ACTN2: variants seen among roughly 807,000 people sequenced by gnomAD.
ACTN2 encodes the protein alpha-actinin-2.
ACTN2 carries 39 observed loss-of-function variants against 113.8 expected under a neutral mutation model. The ratio of observed to expected loss-of-function variants is 0.34; its 90% CI spans 0.27 to 0.45. The LOEUF is 0.45. Ranked by LOEUF, ACTN2 falls within the 20% of genes least tolerant of loss-of-function variation. ACTN2 has a pLI of 1.00. For missense variants in ACTN2, 992 were observed against 1,177.9 expected (o/e 0.84, Z 2.31); for synonymous variants, 429 against 444.1 (o/e 0.97, Z 0.43).
At chr1:236,732,737 C>T (rs1232539527) in intron 7 of ACTN2, among the ~76,000 whole-genome samples, 1 of 152,172 alleles carries the variant, frequency 6.6e-6, no homozygotes, top group African/African-American at 2.4e-5. Context: ...GCCACTGTGC[C>T]TGGCCTGTGA....
chr1:236,712,526 A>G (rs553550845), intron 1 of ACTN2, among the ~76,000 whole-genome samples: 1 of 152,198 alleles, frequency 6.6e-6, no homozygotes, highest in African/African-American at 2.4e-5. Context: ...CATTGTATAT[A>G]TATCTATAAA....
At chr1:236,728,386 G>T (rs573001819) in intron 6 of ACTN2, among the ~76,000 whole-genome samples, 2 of 151,970 alleles carry the variant, frequency 1.3e-5, no homozygotes, top group East Asian at 1.9e-4. Context: ...CTCGTGATCC[G>T]CCCGCCTCAG....
Position 236,762,712 on chromosome 1 carries a change from T to C in ACTN2, c.*93T>C, listed in dbSNP as rs897814687. Reference sequence around the variant, plus strand: ...GGAAACTTTGACAAGCTTTATTAAGTTGAGAGAGAGAGAGGGGAAAAAAAA... The same window carrying C: ...GGAAACTTTGACAAGCTTTATTAAGCTGAGAGAGAGAGAGGGGAAAAAAAA... On this transcript the variant is annotated 3_prime_UTR_variant, in exon 21 of 21. Coordinates refer to ENST00000366578, the MANE Select transcript of ACTN2 (RefSeq NM_001103.4). 1 of 1,482,948 alleles carries C rather than the reference T, an allele frequency of 6.7e-7. No homozygotes were observed. The allele number at this position is 1,482,948 out of a possible 1,614,324, so 91.9% of individuals were successfully genotyped here.
At position 236,757,628 on chromosome 1, in the gene ACTN2, A is replaced by T; in HGVS notation, c.2297A>T (p.Asp766Val). ...NEFRASFNHF[D>V]RRKNGLMDHE... ...TTCAGAGCCTCCTTCAACCACTTTG[A>T]CAGGGTACCACTCTCTACTTATTTG... The change falls in exon 18 of 21, where the codon GAC becomes GTC. Residue 766 changes from aspartate (D) to valine (V), a missense_variant. Around this residue, in one of 3 missense-constraint regions of ACTN2, gnomAD observed 736 missense variants for 815.4 expected, o/e 0.90. Coordinates refer to ENST00000366578, the MANE Select transcript of ACTN2 (RefSeq NM_001103.4). 6.2e-7 allele frequency: 1 copy of T among 1,614,174 alleles called. No homozygotes were observed. Among genetic ancestry groups the T allele is most frequent in the Non-Finnish European group, 8.5e-7 (1 of 1,180,034 alleles).
intron 4 of ACTN2, among the ~76,000 whole-genome samples, chr1:236,722,293 T>G (rs1234454116): frequency 6.6e-6 from 1 of 152,138 alleles, no homozygotes; most frequent in African/African-American, 2.4e-5. Flanking sequence ...AACAATTCTT[T>G]GAGGAGTGAG....
At chr1:236,750,927 A>G (rs1480498882) in intron 14 of ACTN2, among the ~76,000 whole-genome samples, 1 of 151,588 alleles carries the variant, frequency 6.6e-6, no homozygotes, top group Admixed American at 6.6e-5. Flanking sequence ...TGTCTCTGCA[A>G]AAGATAAAAA....
chr1:236,709,255 T>TATATATACACACAC (rs796606511), intron 1 of ACTN2, among the ~76,000 whole-genome samples: 32 of 68,900 alleles, frequency 4.6e-4, no homozygotes, highest in East Asian at 1.1e-3. Flanking sequence ...TATATATATA[T>TATATATACACACAC]ACACACACAC....
chr1:236,717,668 G>A (rs1240282021), intron 1 of ACTN2, among the ~76,000 whole-genome samples, 190 bp from the exon 2 acceptor site: 6 of 152,114 alleles, frequency 3.9e-5, no homozygotes, highest in African/African-American at 1.4e-4. Context: ...TCTCTAAAGT[G>A]GAAAATTTAC....
intron 1 of ACTN2, among the ~76,000 whole-genome samples, chr1:236,693,173 A>G (rs1657328852): frequency 2.8e-5 from 2 of 72,108 alleles, no homozygotes; most frequent in South Asian, 1.1e-3. Flanking sequence ...ACATCTGCAC[A>G]CATGCACACA....
At position 236,717,978 on chromosome 1, in the gene ACTN2, T is replaced by A; in HGVS notation, c.241+6T>A. On this transcript the variant is annotated splice_donor_region_variant and intron_variant, in intron 2 of 20. Transcript: ENST00000366578. ...GCTTTTGGAAGTCATCTCAGGTTGG[T>A]GTTATATATCCCATCCTATGCTTTC... The A allele has an allele frequency of 6.2e-7, 1 of 1,600,750 alleles. No individual in the cohort carries two copies. Among genetic ancestry groups the A allele is most frequent in the Non-Finnish European group, 8.6e-7 (1 of 1,168,324 alleles).
In ACTN2 at chr1:236,764,456, G is replaced by C. The variant is rs2102956074; in HGVS notation, c.*1837G>C. On this transcript the variant is annotated 3_prime_UTR_variant, in exon 21 of 21. Transcript: ENST00000366578. Reference sequence around the variant, plus strand: ...TTAATTTCTTTACAACATTCAGCAAGAGAGGGGGTCAGTAGTCTCTATCTG... The same window carrying C: ...TTAATTTCTTTACAACATTCAGCAACAGAGGGGGTCAGTAGTCTCTATCTG... 6.6e-6 allele frequency: 1 copy of C among 152,302 alleles called. No homozygotes were observed. The highest frequency in any genetic ancestry group is 2.4e-5 in the African/African-American group (1 of 41,578). The allele number at this position is 152,302 out of a possible 1,614,324, so 9.4% of individuals were successfully genotyped here.
chr1:236,707,709 C>CTTTTTTTTTTTTTTTTT (rs5781919), intron 1 of ACTN2, among the ~76,000 whole-genome samples: 12 of 78,752 alleles, frequency 1.5e-4, no homozygotes, highest in South Asian at 5.4e-4. Context: ...TCTTTTTTTT[C>CTTTTTTTTTTTTTTTTT]TTTTTTTTTT....
chr1:236,743,931 A>C (rs993557678), intron 11 of ACTN2, among the ~76,000 whole-genome samples: 10 of 152,214 alleles, frequency 6.6e-5, no homozygotes, highest in African/African-American at 2.4e-4. Context: ...AAGCATTTAG[A>C]GTAGCGTCTA....
chr1:236,736,542 A>G (rs1459071951), intron 8 of ACTN2: 3 of 1,462,654 alleles, frequency 2.1e-6, no homozygotes, highest in East Asian at 4.9e-5. Flanking sequence ...TATTACCTCA[A>G]TGACTTCTCA....
intron 1 of ACTN2, among the ~76,000 whole-genome samples, chr1:236,713,161 C>G (rs1329852252): frequency 6.6e-6 from 1 of 151,590 alleles, no homozygotes; most frequent in Non-Finnish European, 1.5e-5. Context: ...TACTATACAG[C>G]CATAAAAACA....
At chr1:236,695,937 A>G (rs1462339368) in intron 1 of ACTN2, among the ~76,000 whole-genome samples, 3 of 152,218 alleles carry the variant, frequency 2.0e-5, no homozygotes, top group Non-Finnish European at 4.4e-5. Context: ...CTTTTCATAA[A>G]AAGCCATGCT....
In ACTN2 at chr1:236,737,297, G is replaced by A. The variant is rs1343035274; in HGVS notation, c.876+83G>A. The A allele has an allele frequency of 1.6e-4, 50 of 322,146 alleles. 4 individuals carry two copies. Among genetic ancestry groups the A allele is most frequent in the Non-Finnish European group, 2.8e-4 (44 of 158,044 alleles). The allele number at this position is 322,146 out of a possible 1,614,324, so 20.0% of individuals were successfully genotyped here. On this transcript the variant is annotated intron_variant, in intron 9 of 20. Transcript: ENST00000366578. ...GAGGGTGAAAAAATACTCCGTGGGG[G>A]CATATATATATATATATATATTTTG...
Position 236,745,016 on chromosome 1 carries a change from C to A in ACTN2, c.1406+240C>A, listed in dbSNP as rs149541330. ...GCCCTCAGCACAGGCAGCTCCGCTT[C>A]CAGCAAGATGAGAAATAAGTCTGGA... On this transcript the variant is annotated intron_variant, in intron 12 of 20. Coordinates refer to ENST00000366578, the MANE Select transcript of ACTN2 (RefSeq NM_001103.4). Among the ~76,000 whole-genome samples, 42 of 152,292 alleles carry A rather than the reference C, an allele frequency of 2.8e-4. No individual in the cohort carries two copies. The East Asian group carries it at 7.0e-3, about 25-fold the overall frequency.
At chr1:236,751,427 A>T in intron 14 of ACTN2, 43 bp from the exon 15 acceptor site, 1 of 1,610,194 alleles carries the variant, frequency 6.2e-7, no homozygotes, top group Non-Finnish European at 8.5e-7. Flanking sequence ...TGAAATTAAC[A>T]CTCAAGCCAC....
Sources: allele counts gnomAD v4.1 joint callset (sites outside exome capture counted in the v4.1 genomes callset), GRCh38; gene constraint gnomAD v4.1.1; regional missense constraint gnomAD v4.1.1; transcripts MANE v1.5; gene names NCBI Gene and HGNC (gene_info 2026-07-23, HGNC 2026-07-21).